Variants in ROBO2 observed in about 807,000 individuals in gnomAD.
The protein encoded by ROBO2 is roundabout guidance receptor 2, also known as roundabout homolog 2.
Under a neutral mutation model 160.8 loss-of-function variants are expected in ROBO2, and 53 were observed. The observed-to-expected ratio is 0.33, with a 90% CI of 0.26 to 0.41. ROBO2 has a LOEUF of 0.41. Among genes scored for constraint, ROBO2 ranks in the 10% least tolerant of loss-of-function variants. The pLI, the probability that ROBO2 is intolerant of heterozygous loss-of-function variation, is 1.00. For missense variants in ROBO2, 1,577 were observed against 1,722.4 expected, an observed-to-expected ratio of 0.92 and a Z score of 1.49; for synonymous variants, 664 against 611.7, an observed-to-expected ratio of 1.09 and a Z score of -1.26.
intron 1 of ROBO2, among the ~76,000 whole-genome samples, chr3:77,046,253 AG>A (rs1410490013): frequency 6.6e-6 from 1 of 152,220 alleles, no homozygotes; most frequent in African/African-American, 2.4e-5. Context: ...GATCATGGAA[AG>A]AAAGAGTCGA....
chr3:76,635,179 C>A (rs983627700), intron 2 of ROBO2, among the ~76,000 whole-genome samples: 10 of 152,136 alleles, frequency 6.6e-5, no homozygotes, highest in African/African-American at 2.4e-4. Context: ...TAGACTAAGT[C>A]ATTTCCTCTC....
intron 2 of ROBO2, among the ~76,000 whole-genome samples, chr3:77,143,078 G>A (rs1030493729): frequency 6.8e-6 from 1 of 146,238 alleles, no homozygotes; most frequent in African/African-American, 2.5e-5. Context: ...CTTAATACCA[G>A]CAAGCAAACC....
chr3:76,101,770 T>C (rs1346973580), intron 2 of ROBO2, among the ~76,000 whole-genome samples: 1 of 138,504 alleles, frequency 7.2e-6, no homozygotes, highest in Non-Finnish European at 1.5e-5. Context: ...AGTGTTCCCA[T>C]TGTACCCCGG....
intron 2 of ROBO2, among the ~76,000 whole-genome samples, chr3:76,355,649 C>T (rs1301634352): frequency 6.6e-6 from 1 of 151,724 alleles, no homozygotes; most frequent in Non-Finnish European, 1.5e-5. Context: ...ACAACACCTG[C>T]ATAGCAATCT....
intron 2 of ROBO2, among the ~76,000 whole-genome samples, chr3:76,207,069 C>T (rs1286480379): frequency 6.6e-6 from 1 of 152,140 alleles, no homozygotes; most frequent in Admixed American, 6.5e-5. Flanking sequence ...TTAACTTTAG[C>T]TCACAAACTC....
chr3:77,176,279 A>C (rs538610691), intron 2 of ROBO2, among the ~76,000 whole-genome samples: 13 of 152,200 alleles, frequency 8.5e-5, no homozygotes, highest in African/African-American at 2.9e-4. Flanking sequence ...ATTATTACAG[A>C]TAACCTTTAA....
At position 76,793,893 on chromosome 3, in the gene ROBO2, G is replaced by C. The variant is rs146382899; in HGVS notation, c.110-304121G>C. On this transcript the variant is annotated intron_variant, in intron 2 of 26. Transcript: ENST00000487694. The stretch of plus-strand genomic sequence containing the variant: ...TTCTGTCCAGAGATTTTATCATACT[G>C]TAGCATTCTGGTTTCAAATCTTTAT... Among the ~76,000 whole-genome samples the C allele has an allele frequency of 9.5e-4, 144 of 152,012 alleles. 1 individual carries two copies. The highest frequency in any genetic ancestry group is 3.3e-3 in the African/African-American group (139 of 41,520).
chr3:76,247,860 C>T (rs1366181162), intron 2 of ROBO2, among the ~76,000 whole-genome samples: 1 of 151,782 alleles, frequency 6.6e-6, no homozygotes, highest in African/African-American at 2.4e-5. Flanking sequence ...CAAAAGAAGA[C>T]ATTTATGCAG....
chr3:76,106,135 C>T (rs182989248), intron 2 of ROBO2, among the ~76,000 whole-genome samples: 36 of 152,088 alleles, frequency 2.4e-4, no homozygotes, highest in Non-Finnish European at 3.5e-4. Context: ...CTGGTAGAGA[C>T]GATATTCTTT....
chr3:76,444,087 TCC>T (rs2077054364), intron 2 of ROBO2, among the ~76,000 whole-genome samples: 3 of 152,184 alleles, frequency 2.0e-5, no homozygotes, highest in Admixed American at 2.0e-4. Context: ...TGCCTCAGCC[TCC>T]TGAGTAGCTG....
intron 2 of ROBO2, among the ~76,000 whole-genome samples, chr3:77,440,937 G>T (rs919927104): frequency 1.3e-5 from 2 of 151,956 alleles, no homozygotes; most frequent in African/African-American, 4.8e-5. Flanking sequence ...CATTCTCTGC[G>T]TTCTTTTCTC....
rs556778489 is a variant in ROBO2, at chr3:76,528,817, G to A, written c.110-569197G>A. Reference sequence around the variant, plus strand: ...GGGCATTTCTACTTTTACAGATTACGGAAATGAGAAGAAACAACTGGAGAT... The same window carrying A: ...GGGCATTTCTACTTTTACAGATTACAGAAATGAGAAGAAACAACTGGAGAT... On this transcript the variant is annotated intron_variant, in intron 2 of 26. Coordinates refer to the ROBO2 transcript ENST00000487694. 9.9e-5 allele frequency among the ~76,000 whole-genome samples: 15 copies of A among 152,164 alleles called. No homozygotes were observed. In the South Asian group the frequency reaches 2.5e-3, roughly 25 times the overall value.
At chr3:76,325,716 TAAA>T (rs71277583) in intron 2 of ROBO2, among the ~76,000 whole-genome samples, 2 of 145,228 alleles carry the variant, frequency 1.4e-5, no homozygotes, top group African/African-American at 2.5e-5. Flanking sequence ...AAGGCCAAAT[TAAA>T]AAAAAAAACA....
At chr3:76,816,369 C>T (rs762512363) in intron 2 of ROBO2, among the ~76,000 whole-genome samples, 10 of 152,060 alleles carry the variant, frequency 6.6e-5, no homozygotes, top group South Asian at 2.1e-4. Context: ...TAGCGCCATG[C>T]GGTATTCGAT....
intron 2 of ROBO2, among the ~76,000 whole-genome samples, chr3:77,275,074 A>G (rs1366079815): frequency 1.3e-5 from 2 of 152,150 alleles, no homozygotes; most frequent in Middle Eastern, 3.2e-3. Flanking sequence ...TCATTTGCTG[A>G]AGAACATTTG....
intron 2 of ROBO2, among the ~76,000 whole-genome samples, chr3:77,003,038 G>T (rs182132893): frequency 6.6e-6 from 1 of 151,982 alleles, no homozygotes; most frequent in South Asian, 2.1e-4. Flanking sequence ...TCTCTTGAGC[G>T]TTTTGATTAT....
intron 2 of ROBO2, among the ~76,000 whole-genome samples, chr3:76,272,013 A>C (rs765183951): frequency 2.0e-5 from 3 of 152,162 alleles, no homozygotes; most frequent in Non-Finnish European, 4.4e-5. Context: ...TGCTTCATAC[A>C]TCCATATTCT....
intron 2 of ROBO2, among the ~76,000 whole-genome samples, chr3:76,068,213 G>T (rs1014985263): frequency 6.6e-6 from 1 of 152,160 alleles, no homozygotes; most frequent in Non-Finnish European, 1.5e-5. Context: ...GTGTGTTTGA[G>T]GGAGGGTAAG....
At chr3:76,167,910 C>T (rs1362970083) in intron 2 of ROBO2, among the ~76,000 whole-genome samples, 1 of 152,154 alleles carries the variant, frequency 6.6e-6, no homozygotes, top group Non-Finnish European at 1.5e-5. Flanking sequence ...GTAAGGTAAT[C>T]ATTCCTGGTG....
Sources: gnomAD v4.1 joint callset for allele counts (sites outside exome capture counted in the v4.1 genomes callset) on GRCh38, gnomAD v4.1.1 for gene constraint, MANE v1.5 for transcripts, NCBI Gene and HGNC (gene_info 2026-07-23, HGNC 2026-07-21) for gene names.